ATP2B2: variants seen among roughly 807,000 people sequenced by gnomAD.
ATP2B2 encodes the protein plasma membrane calcium-transporting ATPase 2.
ATP2B2 carries 15 observed loss-of-function variants against 120.0 expected under a neutral mutation model. The ratio of observed to expected loss-of-function variants is 0.12; its 90% CI spans 0.08 to 0.19. The LOEUF is 0.19. Ranked by LOEUF, ATP2B2 falls within the 10% of genes least tolerant of loss-of-function variation. The pLI is 1.00. For synonymous variants in ATP2B2, 694 were observed against 700.3 expected, an observed-to-expected ratio of 0.99 and a Z score of 0.14; for missense variants, 1,045 against 1,719.8, an observed-to-expected ratio of 0.61 and a Z score of 6.94.
intron 3 of ATP2B2, among the ~76,000 whole-genome samples, chr3:10,519,192 G>C (rs541090208): frequency 6.6e-6 from 1 of 152,200 alleles, no homozygotes; most frequent in African/African-American, 2.4e-5. Flanking sequence ...TCCAGAATCT[G>C]TACTCCGGGC....
chr3:10,459,637 C>T (rs1295413140), intron 1 of ATP2B2, among the ~76,000 whole-genome samples: 1 of 152,280 alleles, frequency 6.6e-6, no homozygotes, highest in African/African-American at 2.4e-5. Context: ...CCCTCATCCC[C>T]CTCATTCTCT....
At chr3:10,519,905 T>G (rs1399231005) in intron 3 of ATP2B2, among the ~76,000 whole-genome samples, 1 of 152,220 alleles carries the variant, frequency 6.6e-6, no homozygotes. Context: ...GTGGCAGGAC[T>G]GGGATCGAAT....
At chr3:10,373,307 G>A (rs941065561) in intron 11 of ATP2B2, among the ~76,000 whole-genome samples, 2 of 152,214 alleles carry the variant, frequency 1.3e-5, no homozygotes, top group African/African-American at 4.8e-5. Context: ...GGGGTTTAAA[G>A]CTGGGATTTG....
At chr3:10,512,801 G>T (rs948800644) in intron 3 of ATP2B2, among the ~76,000 whole-genome samples, 2 of 152,188 alleles carry the variant, frequency 1.3e-5, no homozygotes, top group African/African-American at 4.8e-5. Context: ...GCACCCACAG[G>T]CGGCAATTCC....
At chr3:10,485,423 G>A (rs1186324143) in intron 1 of ATP2B2, among the ~76,000 whole-genome samples, 1 of 152,194 alleles carries the variant, frequency 6.6e-6, no homozygotes, top group East Asian at 1.9e-4. Context: ...GATTGGAAAA[G>A]GAGGTGGGGG....
At chr3:10,636,698 T>C (rs576733107) in intron 1 of ATP2B2, among the ~76,000 whole-genome samples, 1 of 152,334 alleles carries the variant, frequency 6.6e-6, no homozygotes, top group South Asian at 2.1e-4. Flanking sequence ...AAGTCAGTGA[T>C]TGCCCCAAAC....
At chr3:10,424,532 T>C (rs1405544901) in intron 2 of ATP2B2, among the ~76,000 whole-genome samples, 4 of 152,226 alleles carry the variant, frequency 2.6e-5, no homozygotes, top group Admixed American at 6.5e-5. Context: ...ATATTTGTGT[T>C]GTCACTGTGG....
At chr3:10,374,098 G>T (rs34849108) in intron 11 of ATP2B2, among the ~76,000 whole-genome samples, 1 of 152,062 alleles carries the variant, frequency 6.6e-6, no homozygotes. Flanking sequence ...CGAAGGTAGC[G>T]GGTGCCAGAG....
At position 10,375,327 on chromosome 3, in the gene ATP2B2, C is replaced by A. The variant is rs1575054245; in HGVS notation, c.1416+103G>T. ...CCAAGCTCCTAGGGGGTCTATGGGG[C>A]TTCTTCGTTCATCTCCCAACCCCAG... is the stretch of plus-strand genomic sequence containing the variant. On this transcript the variant is annotated intron_variant, in intron 11 of 22. Transcript: ENST00000360273. The surrounding 1 kb of genome is among the most constrained non-coding windows in gnomAD (Gnocchi z 4.2). The A allele has an allele frequency of 1.0e-6, 1 of 998,246 alleles. No homozygotes were observed. Among genetic ancestry groups the A allele is most frequent in the African/African-American group, 1.6e-5 (1 of 63,522 alleles). The allele number at this position is 998,246 out of a possible 1,614,324, so 61.8% of individuals were successfully genotyped here.
chr3:10,516,883 C>T (rs945038157), intron 3 of ATP2B2, among the ~76,000 whole-genome samples: 4 of 152,108 alleles, frequency 2.6e-5, no homozygotes, highest in African/African-American at 7.2e-5. Context: ...CTTAAATGGG[C>T]TTGCTGATTG....
intron 2 of ATP2B2, among the ~76,000 whole-genome samples, chr3:10,593,020 A>G (rs2068680745): frequency 1.3e-5 from 2 of 152,238 alleles, no homozygotes; most frequent in East Asian, 1.9e-4. Context: ...TTCTGGGCTC[A>G]AGCAATCCAC....
At chr3:10,677,954 AT>A (rs1278603741) in intron 1 of ATP2B2, among the ~76,000 whole-genome samples, 2 of 152,138 alleles carry the variant, frequency 1.3e-5, no homozygotes, top group African/African-American at 4.8e-5. Context: ...GGAAGCAGGT[AT>A]TGTGGACATG....
intron 2 of ATP2B2, among the ~76,000 whole-genome samples, chr3:10,576,523 T>C (rs1575515238): frequency 1.3e-5 from 2 of 152,146 alleles, no homozygotes; most frequent in African/African-American, 4.8e-5. Flanking sequence ...AAACTACAGG[T>C]GTGGTGCCAC....
At chr3:10,619,759 G>A (rs2069495458) in intron 2 of ATP2B2, among the ~76,000 whole-genome samples, 1 of 152,188 alleles carries the variant, frequency 6.6e-6, no homozygotes, top group Non-Finnish European at 1.5e-5. Context: ...TAGGGAGGCT[G>A]AGTGTTGGGT....
At chr3:10,393,402 C>A (rs2061922188) in intron 5 of ATP2B2, among the ~76,000 whole-genome samples, 1 of 152,116 alleles carries the variant, frequency 6.6e-6, no homozygotes, top group African/African-American at 2.4e-5. Flanking sequence ...TTTGAGCATT[C>A]ATGATGTGCC....
intron 8 of ATP2B2, among the ~76,000 whole-genome samples, chr3:10,380,066 T>C (rs1049288376): frequency 1.3e-5 from 2 of 152,138 alleles, no homozygotes; most frequent in Non-Finnish European, 2.9e-5. Flanking sequence ...GACCCCTTGG[T>C]AGGGGTATGG....
chr3:10,450,417 C>T (rs1370168052), intron 1 of ATP2B2, among the ~76,000 whole-genome samples: 1 of 152,048 alleles, frequency 6.6e-6, no homozygotes, highest in African/African-American at 2.4e-5. Flanking sequence ...TCCCAGGTTC[C>T]CCGCCCCTAC....
chr3:10,350,643 G>T, intron 14 of ATP2B2, 66 bp from the exon 15 acceptor site: 1 of 1,541,062 alleles, frequency 6.5e-7, no homozygotes, highest in African/African-American at 1.4e-5. Flanking sequence ...TGCCTTCATG[G>T]ATTCCAGAGG....
At chr3:10,407,345 G>A (rs1057332034) in intron 3 of ATP2B2, among the ~76,000 whole-genome samples, 6 of 152,204 alleles carry the variant, frequency 3.9e-5, no homozygotes, top group Non-Finnish European at 5.9e-5. Flanking sequence ...GGTGGAAGTC[G>A]TCCATCTTTC....
Sources: allele counts gnomAD v4.1 joint callset (sites outside exome capture counted in the v4.1 genomes callset), GRCh38; gene constraint gnomAD v4.1.1; non-coding constraint Gnocchi (gnomAD v3.1); transcripts MANE v1.5; gene names NCBI Gene and HGNC (gene_info 2026-07-23, HGNC 2026-07-21).